Variants in TLE4 observed in about 807,000 individuals in gnomAD.
TLE4 encodes TLE family member 4, transcriptional corepressor.
Under a neutral mutation model 92.8 loss-of-function variants are expected in TLE4, and 8 were observed. The ratio of observed to expected loss-of-function variants is 0.09; its 90% CI spans 0.05 to 0.16. The LOEUF (loss-of-function observed/expected upper bound fraction) is 0.16. TLE4 is among the 10% of genes least tolerant of loss of function. The probability of loss-of-function intolerance (pLI) is 1.00; values close to 1 mark genes in which losing one functional copy is unlikely to be tolerated. For missense variants in TLE4, 675 were observed against 997.6 expected (o/e 0.68, Z 4.36); for synonymous variants, 371 against 374.1 (o/e 0.99, Z 0.10).
rs17728513 is a variant in TLE4 at position 79,719,925 on chromosome 9, A to T, written c.1591-121A>T. ...AGCATTAATCCACTTTATCATTGTC[A>T]TAAGTATAAACGGCTCATTAAACCA... On this transcript the variant is annotated intron_variant, in intron 15 of 19. Coordinates refer to ENST00000376552, the MANE Select transcript of TLE4 (RefSeq NM_007005.6). 8.5e-6 allele frequency: 11 copies of T among 1,288,690 alleles called. No homozygotes were observed. In the African/African-American group the frequency reaches 1.6e-4, roughly 19 times the overall value. 79.8% of individuals were successfully genotyped at this position (1,288,690 alleles called of 1,614,324 possible).
At chr9:79,617,499 G>A (rs779581582) in intron 5 of TLE4, among the ~76,000 whole-genome samples, 7 of 152,098 alleles carry the variant, frequency 4.6e-5, no homozygotes, top group Non-Finnish European at 1.0e-4. Context: ...TTACGTTATA[G>A]TTGAAAATTA....
chr9:79,678,755 A>G (rs963429054), intron 8 of TLE4, among the ~76,000 whole-genome samples: 1 of 151,888 alleles, frequency 6.6e-6, no homozygotes, highest in Non-Finnish European at 1.5e-5. Context: ...ATATGTCCTA[A>G]TGCTATCCCT....
In TLE4 at chr9:79,715,957, C is replaced by A. The variant is rs182817694; in HGVS notation, c.1341-2765C>A. Among the ~76,000 whole-genome samples, 154 of 152,336 alleles carry A rather than the reference C, an allele frequency of 1.0e-3. 1 individual carries two copies. The highest frequency in any genetic ancestry group is 3.4e-3 in the African/African-American group (143 of 41,574). Reference sequence around the variant, plus strand: ...TGCTCCACGTTCTATTTCCAACTTACCACTATCTCCCAGGCTCTAGCCACT... The same window carrying A: ...TGCTCCACGTTCTATTTCCAACTTAACACTATCTCCCAGGCTCTAGCCACT... On this transcript the variant is annotated intron_variant, in intron 14 of 19. Transcript: ENST00000376552.
intron 8 of TLE4, among the ~76,000 whole-genome samples, chr9:79,659,389 C>G (rs2060215009): frequency 1.3e-5 from 2 of 151,620 alleles, no homozygotes; most frequent in Non-Finnish European, 2.9e-5. Flanking sequence ...AACACATTAT[C>G]TAAATAGTGG....
At chr9:79,723,975 A>T (rs1161288061) in intron 19 of TLE4, among the ~76,000 whole-genome samples, 6 of 152,202 alleles carry the variant, frequency 3.9e-5, no homozygotes, top group Non-Finnish European at 8.8e-5. Context: ...CCTGGTTAAA[A>T]TCCTGTGTTG....
chr9:79,707,496 AT>A (rs2071987914), intron 11 of TLE4, among the ~76,000 whole-genome samples: 1 of 152,228 alleles, frequency 6.6e-6, no homozygotes, highest in South Asian at 2.1e-4. Flanking sequence ...GTAACATAAC[AT>A]TTAAAAAAAG....
chr9:79,574,834 T>C, intron 2 of TLE4, 39 bp from the exon 3 acceptor site: 1 of 1,567,900 alleles, frequency 6.4e-7, no homozygotes, highest in South Asian at 1.1e-5. Context: ...GGATGTAAGT[T>C]AAGATCATTG....
At chr9:79,707,744 C>G (rs958240916) in intron 11 of TLE4, among the ~76,000 whole-genome samples, 6 of 152,126 alleles carry the variant, frequency 3.9e-5, no homozygotes, top group Non-Finnish European at 8.8e-5. Flanking sequence ...GACCTGTTCA[C>G]CAGGAAGCCT....
chr9:79,674,331 G>C (rs1044123586), intron 8 of TLE4, among the ~76,000 whole-genome samples: 1 of 152,128 alleles, frequency 6.6e-6, no homozygotes, highest in Non-Finnish European at 1.5e-5. Flanking sequence ...GTGAGACACA[G>C]TGAGACTAAG....
chr9:79,657,928 T>A (rs901068552), intron 8 of TLE4, among the ~76,000 whole-genome samples: 1 of 152,244 alleles, frequency 6.6e-6, no homozygotes, highest in African/African-American at 2.4e-5. Context: ...GGTTCTCCTG[T>A]GTTTTATCCT....
intron 6 of TLE4, among the ~76,000 whole-genome samples, chr9:79,651,027 A>T (rs1166206557): frequency 1.4e-5 from 1 of 70,930 alleles, no homozygotes; most frequent in East Asian, 4.2e-4. Flanking sequence ...TGGTGGAATG[A>T]TCGATCTCTC....
At position 79,720,455 on chromosome 9, in the gene TLE4, G is replaced by A. The variant is rs1042858242; in HGVS notation, c.1838+162G>A. Among the ~76,000 whole-genome samples the A allele has an allele frequency of 2.0e-5, 3 of 148,722 alleles. No individual in the cohort carries two copies. The South Asian group carries it at 6.6e-4, about 33-fold the overall frequency. The stretch of plus-strand genomic sequence containing the variant: ...TGATATAATTATCTTACTAAAAATT[G>A]TTCAGAACAGGTCCATTTTAAGATG... On this transcript the variant is annotated intron_variant, in intron 16 of 19. Transcript: ENST00000376552.
chr9:79,609,746 A>G (rs1038096198), intron 4 of TLE4, among the ~76,000 whole-genome samples: 4 of 152,086 alleles, frequency 2.6e-5, no homozygotes, highest in Admixed American at 6.6e-5. Context: ...TATAATATCT[A>G]GTAACCCTAA....
intron 7 of TLE4, 25 bp from the exon 8 acceptor site, chr9:79,654,034 T>C (rs774582250): frequency 1.2e-6 from 2 of 1,613,612 alleles, no homozygotes; most frequent in Non-Finnish European, 1.7e-6. Context: ...TTTATCTGCT[T>C]GTGTTGCTGC....
intron 16 of TLE4, among the ~76,000 whole-genome samples, chr9:79,720,495 T>G (rs887838349): frequency 6.6e-6 from 1 of 152,030 alleles, no homozygotes; most frequent in African/African-American, 2.4e-5. Context: ...AAATAAATTA[T>G]CAGTGTGAAA....
Position 79,627,442 on chromosome 9 carries a change from C to T in TLE4, c.384C>T (p.Ile128=). The change falls in exon 6 of 20, where the codon ATC becomes ATT. Residue 128 remains isoleucine, a synonymous_variant. Transcript: ENST00000376552. The part of the protein sequence containing the change: ...KQVTMAELNA[I]IGQQLQAQHL... ...TGACCATGGCAGAACTGAACGCCAT[C>T]ATTGGGGTACGTGGCCTTTCCATTT... 9 of 1,614,128 alleles carry T rather than the reference C, an allele frequency of 5.6e-6. No homozygotes were observed. Among genetic ancestry groups the T allele is most frequent in the Non-Finnish European group, 7.6e-6 (9 of 1,179,986 alleles).
intron 8 of TLE4, among the ~76,000 whole-genome samples, chr9:79,702,699 A>G (rs2070297187): frequency 6.6e-6 from 1 of 152,178 alleles, no homozygotes; most frequent in African/African-American, 2.4e-5. Flanking sequence ...ATAAAACCTC[A>G]AGAGGGGCTG....
chr9:79,704,601 T>A, intron 8 of TLE4, 182 bp from the exon 9 acceptor site: 1 of 701,728 alleles, frequency 1.4e-6, no homozygotes. Flanking sequence ...TTGCTACTTG[T>A]CTTTCCCTTT....
chr9:79,573,842 C>A, intron 2 of TLE4, 56 bp downstream of exon 2: 1 of 1,283,866 alleles, frequency 7.8e-7, no homozygotes, highest in Non-Finnish European at 1.1e-6. Flanking sequence ...GTCTCCCCGA[C>A]AAATACACAC....
Sources: allele counts gnomAD v4.1 joint callset (sites outside exome capture counted in the v4.1 genomes callset), GRCh38; gene constraint gnomAD v4.1.1; transcripts MANE v1.5; gene names NCBI Gene and HGNC (gene_info 2026-07-23, HGNC 2026-07-21).